The following KIF26B variants were observed in gnomAD, a reference collection of about 807,000 sequenced individuals.
KIF26B encodes kinesin-like protein KIF26B.
Under a neutral mutation model 151.2 loss-of-function variants are expected in KIF26B, and 63 were observed. The observed-to-expected ratio is 0.42, with a 90% CI of 0.34 to 0.51. KIF26B has a LOEUF of 0.51. Among genes scored for constraint, KIF26B ranks in the 20% least tolerant of loss-of-function variants. The pLI is 0.07. For synonymous variants in KIF26B, 1,357 were observed against 1,262.1 expected, an observed-to-expected ratio of 1.08 and a Z score of -1.59; for missense variants, 2,813 against 2,913.6, an observed-to-expected ratio of 0.97 and a Z score of 0.79.
At chr1:245,570,741 T>A (rs1156265011) in intron 5 of KIF26B, among the ~76,000 whole-genome samples, 3 of 152,230 alleles carry the variant, frequency 2.0e-5, no homozygotes, top group Non-Finnish European at 2.9e-5. Flanking sequence ...ACAATTTGTG[T>A]GAGTCCACGA....
At chr1:245,532,295 G>C (rs1275181215) in intron 4 of KIF26B, among the ~76,000 whole-genome samples, 1 of 144,656 alleles carries the variant, frequency 6.9e-6, no homozygotes, top group Non-Finnish European at 1.5e-5. Flanking sequence ...GCCCAGGCTG[G>C]AGTGCAGTGG....
chr1:245,688,558 A>T lies in KIF26B; in HGVS notation c.5575A>T (p.Arg1859Trp). The T allele has an allele frequency of 6.5e-7, 1 of 1,548,918 alleles. No homozygotes were observed. The highest frequency in any genetic ancestry group is 8.7e-7 in the Non-Finnish European group (1 of 1,149,958). ...SPYSKITPPR[R>W]PHRCSSGHGS... is the part of the protein sequence containing the mutation. Reference sequence around the variant, plus strand: ...CTACAGCAAGATCACGCCCCCGCGGAGGCCCCACCGCTGCAGCAGCGGCCA... The same window carrying T: ...CTACAGCAAGATCACGCCCCCGCGGTGGCCCCACCGCTGCAGCAGCGGCCA... The change falls in exon 12 of 15, where the codon AGG becomes TGG. Residue 1859 changes from arginine (R) to tryptophan (W), a missense_variant. Arg to Trp is a moderately radical substitution (Grantham distance 101). This residue lies in a region of KIF26B where 2,060 missense variants were observed against 2,088.6 expected (regional missense o/e 0.99). Coordinates refer to ENST00000407071, the MANE Select transcript of KIF26B (RefSeq NM_018012.4).
At chr1:245,394,693 T>C (rs1225259353) in intron 3 of KIF26B, among the ~76,000 whole-genome samples, 42 of 140,930 alleles carry the variant, frequency 3.0e-4, no homozygotes, top group African/African-American at 1.0e-3. Flanking sequence ...TCTTTCTTTT[T>C]TTTTTTTTTT....
At chr1:245,262,078 C>T (rs532411965) in intron 2 of KIF26B, among the ~76,000 whole-genome samples, 1 of 152,314 alleles carries the variant, frequency 6.6e-6, no homozygotes, top group African/African-American at 2.4e-5. Context: ...ATTATTACCT[C>T]TGATTCCCAT....
chr1:245,632,450 A>T (rs1344833792), intron 9 of KIF26B, among the ~76,000 whole-genome samples: 1 of 152,256 alleles, frequency 6.6e-6, no homozygotes, highest in Non-Finnish European at 1.5e-5. Flanking sequence ...ATGGTCTATC[A>T]TGGAGAATAT....
chr1:245,419,806 G>A (rs1262864764), intron 4 of KIF26B, 61 bp downstream of exon 4: 29 of 1,441,558 alleles, frequency 2.0e-5, no homozygotes, highest in Non-Finnish European at 2.5e-5. Context: ...AGCCCCTCAC[G>A]TGGACTAGCT....
Position 245,516,731 on chromosome 1 carries a change from A to T in KIF26B, c.1167-24036A>T, listed in dbSNP as rs1300756555. Among the ~76,000 whole-genome samples the T allele has an allele frequency of 2.0e-5, 3 of 152,182 alleles. No homozygotes were observed. The highest frequency in any genetic ancestry group is 7.2e-5 in the African/African-American group (3 of 41,444). On this transcript the variant is annotated intron_variant, in intron 4 of 14. Transcript: ENST00000407071. The surrounding 1 kb of genome is among the most constrained non-coding windows in gnomAD (Gnocchi z 4.2). ...AATACTGCAAAGCCACAAATCTGAG[A>T]TGTCAGCTCATAAATCTGTAAGCTC...
chr1:245,645,996 C>T, intron 9 of KIF26B, 125 bp from the exon 10 acceptor site: 1 of 999,600 alleles, frequency 1.0e-6, no homozygotes, highest in Non-Finnish European at 1.4e-6. Context: ...CCTAGTAGGT[C>T]ATGAACGTCA....
chr1:245,294,249 G>C (rs1171834183), intron 2 of KIF26B, among the ~76,000 whole-genome samples: 1 of 152,136 alleles, frequency 6.6e-6, no homozygotes, highest in Non-Finnish European at 1.5e-5. Context: ...AAGTCATAAA[G>C]TGAGAGGATC....
At chr1:245,343,560 G>A (rs776834216) in intron 2 of KIF26B, among the ~76,000 whole-genome samples, 1 of 152,052 alleles carries the variant, frequency 6.6e-6, no homozygotes, top group Non-Finnish European at 1.5e-5. Flanking sequence ...TTACATTTTT[G>A]GCAGTAGGTT....
intron 6 of KIF26B, among the ~76,000 whole-genome samples, chr1:245,604,471 T>C (rs562286021): frequency 6.6e-6 from 1 of 152,346 alleles, no homozygotes; most frequent in East Asian, 1.9e-4. Flanking sequence ...CTATGGTTTC[T>C]CTCCTTATTA....
At chr1:245,416,472 G>GTA (rs1306190838) in intron 3 of KIF26B, among the ~76,000 whole-genome samples, 1 of 152,152 alleles carries the variant, frequency 6.6e-6, no homozygotes, top group East Asian at 1.9e-4. Context: ...ATTGACCTTG[G>GTA]TATACAGTGG....
At chr1:245,431,145 T>A (rs572383769) in intron 4 of KIF26B, among the ~76,000 whole-genome samples, 16 of 152,168 alleles carry the variant, frequency 1.1e-4, no homozygotes, top group African/African-American at 3.9e-4. Flanking sequence ...GGGTACAAAG[T>A]GCACCACAGA....
intron 3 of KIF26B, among the ~76,000 whole-genome samples, chr1:245,400,306 A>G (rs1673964334): frequency 6.6e-6 from 1 of 152,186 alleles, no homozygotes; most frequent in African/African-American, 2.4e-5. Flanking sequence ...CTAAGTATTT[A>G]TCCTTTTCAC....
At chr1:245,453,052 A>G (rs1304277237) in intron 4 of KIF26B, among the ~76,000 whole-genome samples, 1 of 152,112 alleles carries the variant, frequency 6.6e-6, no homozygotes, top group African/African-American at 2.4e-5. Context: ...TAAGGGTTTT[A>G]TAGTTATAGC....
At chr1:245,176,157 G>A (rs762811161) in intron 2 of KIF26B, among the ~76,000 whole-genome samples, 69 of 151,794 alleles carry the variant, frequency 4.5e-4, no homozygotes, top group Non-Finnish European at 8.8e-4. Context: ...GAGTCACCAC[G>A]CCCAGCTAAT....
rs60243933 is a variant in KIF26B, at chr1:245,336,680, A to G, written c.466-30154A>G. On this transcript the variant is annotated intron_variant, in intron 2 of 14. Transcript: ENST00000407071. ...TTAGTCATTTCCTGCTTTTTCCTATACATACCTTCCGTATCAACATGCTTT... is the reference window on the plus strand; with the variant it reads ...TTAGTCATTTCCTGCTTTTTCCTATGCATACCTTCCGTATCAACATGCTTT... 5.7e-4 allele frequency among the ~76,000 whole-genome samples: 87 copies of G among 152,258 alleles called. 1 individual carries two copies. The highest frequency in any genetic ancestry group is 2.1e-3 in the African/African-American group (86 of 41,524).
At chr1:245,652,004 A>C (rs2044021479) in intron 10 of KIF26B, among the ~76,000 whole-genome samples, 1 of 152,156 alleles carries the variant, frequency 6.6e-6, no homozygotes, top group Non-Finnish European at 1.5e-5. Context: ...TAGACGTACC[A>C]TGAAATTAAG....
chr1:245,419,845 C>T (rs1159155745), intron 4 of KIF26B, 100 bp downstream of exon 4: 3 of 1,127,242 alleles, frequency 2.7e-6, no homozygotes, highest in South Asian at 3.0e-5. Flanking sequence ...GAGTTTGGGG[C>T]CGTTCTGTGA....
Sources: gnomAD v4.1 joint callset for allele counts (sites outside exome capture counted in the v4.1 genomes callset) on GRCh38, gnomAD v4.1.1 for gene constraint, gnomAD v4.1.1 regional missense constraint, Gnocchi (gnomAD v3.1) non-coding constraint, MANE v1.5 for transcripts, NCBI Gene and HGNC (gene_info 2026-07-23, HGNC 2026-07-21) for gene names.